The following GRID1 variants were observed in gnomAD, a reference collection of about 807,000 sequenced individuals.
GRID1 encodes the protein glutamate receptor ionotropic, delta-1.
In GRID1, 28 loss-of-function variants were observed where a neutral mutation model predicts 98.0. That is an observed-to-expected ratio of 0.29 (90% CI 0.21 to 0.39). The LOEUF (loss-of-function observed/expected upper bound fraction) is 0.39. GRID1 is among the 10% of genes least tolerant of loss of function. GRID1 has a pLI of 1.00. For missense variants in GRID1, 1,111 were observed against 1,340.5 expected, an observed-to-expected ratio of 0.83 and a Z score of 2.67; for synonymous variants, 553 against 538.5, an observed-to-expected ratio of 1.03 and a Z score of -0.37.
intron 4 of GRID1, among the ~76,000 whole-genome samples, chr10:86,061,189 C>A (rs1011150360): frequency 5.3e-5 from 8 of 152,224 alleles, no homozygotes; most frequent in East Asian, 1.9e-4. Context: ...ACCCTCCAAT[C>A]CAATTACCTT....
At chr10:85,927,091 T>C (rs909528831) in intron 4 of GRID1, among the ~76,000 whole-genome samples, 4 of 152,176 alleles carry the variant, frequency 2.6e-5, no homozygotes, top group African/African-American at 9.7e-5. Flanking sequence ...TCAGACCACT[T>C]TGGAAACTCT....
rs961286683 is a variant in GRID1, at chr10:86,008,818, G to T, written c.727-92579C>A. Among the ~76,000 whole-genome samples, 9 of 152,122 alleles carry T rather than the reference G, an allele frequency of 5.9e-5. No individual in the cohort carries two copies. In the East Asian group the frequency reaches 1.5e-3, roughly 26 times the overall value. On this transcript the variant is annotated intron_variant, in intron 4 of 15. Transcript: ENST00000327946. ...AGAATAAATTGATACAATCAATTTG[G>T]GAGTTTTTTGGTTTAATTTAAATAT... is the stretch of plus-strand genomic sequence containing the variant.
chr10:86,108,182 C>T (rs958642826), intron 4 of GRID1, among the ~76,000 whole-genome samples: 9 of 152,160 alleles, frequency 5.9e-5, no homozygotes, highest in African/African-American at 2.2e-4. Context: ...TCTGTATGCT[C>T]CCCTAGAGGT....
At chr10:85,999,544 T>C (rs1589330832) in intron 4 of GRID1, among the ~76,000 whole-genome samples, 1 of 152,140 alleles carries the variant, frequency 6.6e-6, no homozygotes, top group South Asian at 2.1e-4. Flanking sequence ...CTCATGAACA[T>C]AGATACAAAA....
In GRID1 at chr10:86,119,477, G is replaced by T. The variant is rs552165671; in HGVS notation, c.726+19342C>A. ...TAAAAATGGGGAAAACTGGGTGTGGGGTATATGAGAACTCTCTATAGTATC... is the reference window on the plus strand; with the variant it reads ...TAAAAATGGGGAAAACTGGGTGTGGTGTATATGAGAACTCTCTATAGTATC... On this transcript the variant is annotated intron_variant, in intron 4 of 15. Coordinates refer to ENST00000327946, the MANE Select transcript of GRID1 (RefSeq NM_017551.3). 2.6e-5 allele frequency among the ~76,000 whole-genome samples: 4 copies of T among 152,086 alleles called. No homozygotes were observed. In the South Asian group the frequency reaches 8.3e-4, roughly 32 times the overall value.
At chr10:85,747,837 T>TTTTTCCCC (rs1201882943) in intron 8 of GRID1, among the ~76,000 whole-genome samples, 5 of 152,190 alleles carry the variant, frequency 3.3e-5, no homozygotes, top group Non-Finnish European at 7.4e-5. Context: ...TCTTCCCATA[T>TTTTTCCCC]CTAATTTTAC....
intron 5 of GRID1, among the ~76,000 whole-genome samples, chr10:85,906,629 A>G (rs1313676372): frequency 1.3e-5 from 2 of 152,220 alleles, no homozygotes; most frequent in Non-Finnish European, 2.9e-5. Context: ...TTGGAAACTA[A>G]AAACATACTT....
intron 2 of GRID1, among the ~76,000 whole-genome samples, chr10:86,250,257 A>G (rs1431901687): frequency 1.3e-5 from 2 of 152,154 alleles, no homozygotes; most frequent in Non-Finnish European, 2.9e-5. Flanking sequence ...CAGGCATTCA[A>G]GGTGGCCCTA....
At chr10:86,359,285 T>C (rs1235785988) in intron 2 of GRID1, among the ~76,000 whole-genome samples, 2 of 152,180 alleles carry the variant, frequency 1.3e-5, no homozygotes, top group Non-Finnish European at 2.9e-5. Context: ...GTGGCCTCGA[T>C]GGGACCTACA....
In GRID1 at chr10:85,824,249, G is replaced by A. The variant is rs184574232; in HGVS notation, c.1233+30247C>T. On this transcript the variant is annotated intron_variant, in intron 8 of 15. Transcript: ENST00000327946. The stretch of plus-strand genomic sequence containing the variant: ...TTGCCTTGTCGCAAGAGTACGATCC[G>A]GCGAGAGACTGGAGTGCAGTGGTGC... Among the ~76,000 whole-genome samples the A allele has an allele frequency of 2.4e-4, 37 of 152,128 alleles. No homozygotes were observed. The East Asian group carries it at 4.6e-3, about 19-fold the overall frequency.
rs560164982 is a variant in GRID1, at chr10:86,087,790, C to T, written c.726+51029G>A. Among the ~76,000 whole-genome samples the T allele has an allele frequency of 3.3e-4, 51 of 152,276 alleles. 1 individual carries two copies. Among genetic ancestry groups the T allele is most frequent in the Middle Eastern group, 3.4e-3 (1 of 294 alleles). On this transcript the variant is annotated intron_variant, in intron 4 of 15. Transcript: ENST00000327946. The stretch of plus-strand genomic sequence containing the variant: ...TACCACATGGCTGCTGGCCCACCTC[C>T]CTCCCAGCCCGCAACCACTGAGACC...
chr10:86,034,644 G>A (rs970664617), intron 4 of GRID1, among the ~76,000 whole-genome samples: 5 of 151,608 alleles, frequency 3.3e-5, no homozygotes, highest in African/African-American at 1.2e-4. Flanking sequence ...GCCTTCCCTG[G>A]GCTCCCCTGG....
In GRID1 at chr10:85,889,889, G is replaced by A. The variant is rs538143954; in HGVS notation, c.781-20709C>T. 2.6e-5 allele frequency among the ~76,000 whole-genome samples: 4 copies of A among 152,058 alleles called. No individual in the cohort carries two copies. The East Asian group carries it at 5.8e-4, about 22-fold the overall frequency. On this transcript the variant is annotated intron_variant, in intron 5 of 15. Coordinates refer to ENST00000327946, the MANE Select transcript of GRID1 (RefSeq NM_017551.3). ...AATAGTCATTTTGATAATGAGTGAG[G>A]TGTCATCTCATTGTGTTCTCTTTTT...
chr10:86,251,394 T>C (rs988425090), intron 2 of GRID1, among the ~76,000 whole-genome samples: 2 of 151,718 alleles, frequency 1.3e-5, no homozygotes, highest in African/African-American at 2.4e-5. Context: ...TATTTTTATA[T>C]GCAATATGAC....
intron 4 of GRID1, among the ~76,000 whole-genome samples, chr10:86,014,133 G>C (rs1388037442): frequency 6.6e-6 from 1 of 152,198 alleles, no homozygotes; most frequent in South Asian, 2.1e-4. Context: ...CAGAGGCTCT[G>C]ACACTCAGCT....
intron 5 of GRID1, among the ~76,000 whole-genome samples, chr10:85,899,182 G>A (rs904264638): frequency 3.3e-5 from 5 of 152,114 alleles, no homozygotes; most frequent in East Asian, 3.8e-4. Flanking sequence ...GTCTTTCTAC[G>A]CCTAGCTTAT....
intron 4 of GRID1, among the ~76,000 whole-genome samples, chr10:85,927,773 T>A (rs910351176): frequency 6.6e-6 from 1 of 152,104 alleles, no homozygotes; most frequent in Non-Finnish European, 1.5e-5. Flanking sequence ...TGGGCATCCA[T>A]GGAAGGAAGT....
intron 12 of GRID1, among the ~76,000 whole-genome samples, chr10:85,668,255 C>T (rs980760775): frequency 6.6e-6 from 1 of 152,160 alleles, no homozygotes; most frequent in African/African-American, 2.4e-5. Flanking sequence ...AAGAAATGCA[C>T]ATAGACAACA....
chr10:86,082,863 T>C (rs887120959), intron 4 of GRID1, among the ~76,000 whole-genome samples: 11 of 152,202 alleles, frequency 7.2e-5, no homozygotes, highest in Non-Finnish European at 5.9e-5. Flanking sequence ...GTGGCTCAAA[T>C]GTTTCCTCCT....
Sources: allele counts gnomAD v4.1 joint callset (sites outside exome capture counted in the v4.1 genomes callset), GRCh38; gene constraint gnomAD v4.1.1; transcripts MANE v1.5; gene names NCBI Gene and HGNC (gene_info 2026-07-23, HGNC 2026-07-21).